The following CNTLN variants were observed in gnomAD, a reference collection of about 807,000 sequenced individuals.
The protein encoded by CNTLN is centlein, also known as centlein, centrosomal protein.
Under a neutral mutation model 180.0 loss-of-function variants are expected in CNTLN, and 212 were observed. The observed-to-expected ratio is 1.18, with a 90% CI of 1.05 to 1.32. The LOEUF (loss-of-function observed/expected upper bound fraction) is 1.32. Among genes scored for constraint, CNTLN ranks in the 40% most tolerant of loss-of-function variants. CNTLN has a pLI of 0.00. For missense variants in CNTLN, 2,095 were observed against 1,610.9 expected (o/e 1.30, Z -5.14); for synonymous variants, 722 against 563.1 (o/e 1.28, Z -3.99).
In CNTLN at chr9:17,356,210, A is replaced by T. The variant is rs575605759; in HGVS notation, c.1887-10407A>T. ...AGTTTTTCTTATCAGGATCTGTTTT[A>T]AAGAAAGACAATGAACTTCAAGGCT... On this transcript the variant is annotated intron_variant, in intron 12 of 25. Coordinates refer to ENST00000380647, the MANE Select transcript of CNTLN (RefSeq NM_017738.4). Among the ~76,000 whole-genome samples, 21 of 152,336 alleles carry T rather than the reference A, an allele frequency of 1.4e-4. No homozygotes were observed. The South Asian group carries it at 3.7e-3, about 27-fold the overall frequency.
At chr9:17,250,574 T>C (rs1050925802) in intron 5 of CNTLN, among the ~76,000 whole-genome samples, 1 of 152,084 alleles carries the variant, frequency 6.6e-6, no homozygotes, top group Non-Finnish European at 1.5e-5. Context: ...GCAATAAAAT[T>C]TGAATTGATA....
At chr9:17,404,276 C>T (rs1320224127) in intron 15 of CNTLN, among the ~76,000 whole-genome samples, 2 of 151,660 alleles carry the variant, frequency 1.3e-5, no homozygotes, top group East Asian at 3.9e-4. Flanking sequence ...TATTTTATCT[C>T]CAAGAATGCA....
rs548919606 is a variant in CNTLN at position 17,217,206 on chromosome 9, T to A, written c.450-8997T>A. On this transcript the variant is annotated intron_variant, in intron 2 of 25. Transcript: ENST00000380647. ...AGGAATAGTTACTTTAAAAATTTAA[T>A]CTTTATACACATGGCAGAAGGTGGT... Among the ~76,000 whole-genome samples, 3 of 152,364 alleles carry A rather than the reference T, an allele frequency of 2.0e-5. No homozygotes were observed. In the South Asian group the frequency reaches 6.2e-4, roughly 32 times the overall value.
At chr9:17,141,593 A>C (rs761345314) in intron 1 of CNTLN, among the ~76,000 whole-genome samples, 4 of 152,076 alleles carry the variant, frequency 2.6e-5, no homozygotes, top group Non-Finnish European at 5.9e-5. Flanking sequence ...TTAGTTTCCT[A>C]ATTTAATGGA....
intron 20 of CNTLN, among the ~76,000 whole-genome samples, chr9:17,463,774 A>C (rs1831587295): frequency 6.6e-6 from 1 of 151,634 alleles, no homozygotes; most frequent in Non-Finnish European, 1.5e-5. Flanking sequence ...CACTCTTTGA[A>C]TCCTGGCTTC....
At chr9:17,413,964 C>T (rs1828042567) in intron 16 of CNTLN, among the ~76,000 whole-genome samples, 1 of 152,174 alleles carries the variant, frequency 6.6e-6, no homozygotes, top group African/African-American at 2.4e-5. Flanking sequence ...AACCAAAATT[C>T]TCTTCAATAG....
intron 12 of CNTLN, among the ~76,000 whole-genome samples, chr9:17,361,058 A>T (rs943071399): frequency 6.6e-6 from 1 of 151,740 alleles, no homozygotes; most frequent in African/African-American, 2.4e-5. Flanking sequence ...TTTTTTTTCC[A>T]TTTTTTTAAA....
chr9:17,224,731 C>T (rs927833106), intron 2 of CNTLN, among the ~76,000 whole-genome samples: 5 of 151,994 alleles, frequency 3.3e-5, no homozygotes, highest in African/African-American at 1.2e-4. Flanking sequence ...TGTTTCATCT[C>T]TCAGCTTTAC....
chr9:17,307,670 A>G (rs952491240), intron 7 of CNTLN, among the ~76,000 whole-genome samples: 3 of 152,036 alleles, frequency 2.0e-5, no homozygotes, highest in Non-Finnish European at 4.4e-5. Flanking sequence ...TGACAAAATT[A>G]TGTTTCAGGA....
At chr9:17,505,313 A>T (rs1833912984), downstream of CNTLN, among the ~76,000 whole-genome samples, 1 of 152,250 alleles carries the variant, frequency 6.6e-6, no homozygotes, top group African/African-American at 2.4e-5. Flanking sequence ...TAACGTGGGA[A>T]ATTCTAGCCA....
At chr9:17,317,109 G>T (rs1057127631) in intron 8 of CNTLN, among the ~76,000 whole-genome samples, 2 of 151,928 alleles carry the variant, frequency 1.3e-5, no homozygotes, top group South Asian at 4.2e-4. Context: ...TTTTTGGTGA[G>T]AAATCTGATG....
intron 7 of CNTLN, chr9:17,300,359 C>G (rs1431638593): frequency 2.6e-5 from 4 of 152,190 alleles, no homozygotes; most frequent in East Asian, 1.9e-4. Flanking sequence ...TACCTTGGAT[C>G]TCTTCTGTAT....
chr9:17,516,379 T>G, the CNTLN span, among the ~76,000 whole-genome samples: 2 of 152,152 alleles, frequency 1.3e-5, no homozygotes, highest in Non-Finnish European at 2.9e-5. Flanking sequence ...AACAAAAGAT[T>G]AACAAGAGAA....
intron 5 of CNTLN, among the ~76,000 whole-genome samples, chr9:17,253,040 T>C (rs996705697): frequency 6.6e-6 from 1 of 151,734 alleles, no homozygotes; most frequent in Non-Finnish European, 1.5e-5. Flanking sequence ...CTATCGCCAA[T>C]GTATATTCTT....
At position 17,216,754 on chromosome 9, in the gene CNTLN, G is replaced by A. The variant is rs150828725; in HGVS notation, c.450-9449G>A. On this transcript the variant is annotated intron_variant, in intron 2 of 25. Transcript: ENST00000380647. ...CTCCTTTCCACTCTAAAGCACTTGG[G>A]TTACACAGCTGCTATATGGTTGTAC... 7.1e-4 allele frequency among the ~76,000 whole-genome samples: 108 copies of A among 152,224 alleles called. 2 individuals are homozygous for A. Among genetic ancestry groups the A allele is most frequent in the African/African-American group, 2.1e-3 (86 of 41,536 alleles).
chr9:17,255,845 T>C (rs993882350), intron 5 of CNTLN, among the ~76,000 whole-genome samples: 2 of 151,930 alleles, frequency 1.3e-5, no homozygotes, highest in Admixed American at 1.3e-4. Flanking sequence ...GTTACTGTTC[T>C]GTCAGATTTT....
chr9:17,178,731 G>A (rs1453303606), intron 2 of CNTLN, among the ~76,000 whole-genome samples: 1 of 152,040 alleles, frequency 6.6e-6, no homozygotes, highest in Non-Finnish European at 1.5e-5. Context: ...GCCCACAAGG[G>A]TTGCGGGCAG....
chr9:17,528,460 C>G, the CNTLN span, among the ~76,000 whole-genome samples: 1 of 152,300 alleles, frequency 6.6e-6, no homozygotes, highest in East Asian at 1.9e-4. Flanking sequence ...CAGAGCTCCT[C>G]AAAACTGTTA....
At chr9:17,275,535 T>A (rs1734991354) in intron 6 of CNTLN, among the ~76,000 whole-genome samples, 1 of 152,154 alleles carries the variant, frequency 6.6e-6, no homozygotes, top group African/African-American at 2.4e-5. Flanking sequence ...TCTTAAAATA[T>A]AACATCTGGA....
Sources: gnomAD v4.1 joint callset for allele counts (sites outside exome capture counted in the v4.1 genomes callset) on GRCh38, gnomAD v4.1.1 for gene constraint, MANE v1.5 for transcripts, NCBI Gene and HGNC (gene_info 2026-07-23, HGNC 2026-07-21) for gene names.